The following GUCY1A2 variants were observed in gnomAD, a reference collection of about 807,000 sequenced individuals.
GUCY1A2 encodes the protein guanylate cyclase soluble subunit alpha-2.
Under a neutral mutation model 63.5 loss-of-function variants are expected in GUCY1A2, and 27 were observed. The observed-to-expected ratio is 0.43, with a 90% confidence interval of 0.31 to 0.59. The LOEUF is 0.59. GUCY1A2 is among the 20% of genes least tolerant of loss of function. The pLI is 0.11. For synonymous variants in GUCY1A2, 364 were observed against 343.5 expected, an observed-to-expected ratio of 1.06 and a Z score of -0.66; for missense variants, 768 against 913.3, an observed-to-expected ratio of 0.84 and a Z score of 2.05.
intron 4 of GUCY1A2, among the ~76,000 whole-genome samples, chr11:106,813,509 G>GT (rs1858791928): frequency 6.6e-6 from 1 of 152,014 alleles, no homozygotes; most frequent in African/African-American, 2.4e-5. Flanking sequence ...TCAGAATTGA[G>GT]TAAGTCCAGG....
rs149779302 is a variant in GUCY1A2 at position 106,904,663 on chromosome 11, A to G, written c.1206+34797T>C. 5.6e-3 allele frequency among the ~76,000 whole-genome samples: 852 copies of G among 152,180 alleles called. 2 individuals carry two copies. The highest frequency in any genetic ancestry group is 7.2e-3 in the Non-Finnish European group (487 of 67,992). On this transcript the variant is annotated intron_variant, in intron 4 of 7. Coordinates refer to ENST00000526355, the MANE Select transcript of GUCY1A2 (RefSeq NM_000855.3). ...ACTGAGGTAGATGTTAAATGAAGCT[A>G]AATAAAAGACAAAAATTCTTCCCAC...
chr11:106,825,525 G>A (rs1050520300), intron 4 of GUCY1A2, among the ~76,000 whole-genome samples: 2 of 150,208 alleles, frequency 1.3e-5, no homozygotes, highest in African/African-American at 2.5e-5. Context: ...TTGAGAATAA[G>A]TCCATATAAT....
At chr11:106,860,646 G>A (rs1859498786) in intron 4 of GUCY1A2, among the ~76,000 whole-genome samples, 1 of 151,976 alleles carries the variant, frequency 6.6e-6, no homozygotes, top group Non-Finnish European at 1.5e-5. Context: ...CGTGCCTGGT[G>A]ACCCAGATTT....
Position 106,677,093 on chromosome 11 carries a change from A to G in GUCY1A2, c.*10456T>C, listed in dbSNP as rs923713791. ...CAAAGTGTTCAATCATGTGAAAGTG[A>G]AAAAGGGAGGCTCCAGCCCAAATAG... On this transcript the variant is annotated 3_prime_UTR_variant, in exon 8 of 8. Coordinates refer to ENST00000526355, the MANE Select transcript of GUCY1A2 (RefSeq NM_000855.3). 1 of 213,260 alleles carries G rather than the reference A, an allele frequency of 4.7e-6. No homozygotes were observed. The allele number at this position is 213,260 out of a possible 1,614,324, so 13.2% of individuals were successfully genotyped here.
chr11:106,689,718 C>T lies in GUCY1A2; in HGVS notation c.1992-1962G>A, dbSNP rs931586515. ...TTATTAAAAAGCCAAGGGCCGGGCA[C>T]GGTGGCTCACGCCTGTAATCCCAGC... On this transcript the variant is annotated intron_variant, in intron 7 of 7. Transcript: ENST00000526355. Among the ~76,000 whole-genome samples the T allele has an allele frequency of 4.6e-5, 7 of 152,052 alleles. No individual in the cohort carries two copies. The East Asian group carries it at 5.8e-4, about 13-fold the overall frequency.
At chr11:106,836,397 T>G (rs1859117885) in intron 4 of GUCY1A2, among the ~76,000 whole-genome samples, 1 of 152,016 alleles carries the variant, frequency 6.6e-6, no homozygotes, top group African/African-American at 2.4e-5. Flanking sequence ...TGTACCATAT[T>G]TATCAATACC....
intron 4 of GUCY1A2, among the ~76,000 whole-genome samples, chr11:106,869,123 A>C (rs1459465347): frequency 1.3e-5 from 2 of 152,232 alleles, no homozygotes; most frequent in Non-Finnish European, 2.9e-5. Context: ...TGGATTCAAG[A>C]CTTAAATGTT....
chr11:106,805,201 T>TC (rs1294226919), intron 5 of GUCY1A2, among the ~76,000 whole-genome samples: 1 of 152,050 alleles, frequency 6.6e-6, no homozygotes, highest in Non-Finnish European at 1.5e-5. Context: ...ATGGGAATAC[T>TC]CCCCCTCTAC....
chr11:106,964,493 A>T (rs1861101323), intron 3 of GUCY1A2, among the ~76,000 whole-genome samples: 1 of 152,198 alleles, frequency 6.6e-6, no homozygotes, highest in African/African-American at 2.4e-5. Flanking sequence ...TAGGAAGCAC[A>T]TCATGAAGTG....
chr11:106,817,578 G>A (rs1278038321), intron 4 of GUCY1A2, among the ~76,000 whole-genome samples: 1 of 152,032 alleles, frequency 6.6e-6, no homozygotes, highest in African/African-American at 2.4e-5. Flanking sequence ...ATACAGAATA[G>A]GGGAAAATAT....
intron 4 of GUCY1A2, among the ~76,000 whole-genome samples, chr11:106,861,369 G>T (rs1433571698): frequency 6.6e-6 from 1 of 152,002 alleles, no homozygotes; most frequent in Non-Finnish European, 1.5e-5. Flanking sequence ...GTAGTCTGTT[G>T]TGTGTACTCA....
intron 4 of GUCY1A2, among the ~76,000 whole-genome samples, chr11:106,831,854 A>T (rs758902998): frequency 6.6e-6 from 1 of 152,162 alleles, no homozygotes; most frequent in African/African-American, 2.4e-5. Flanking sequence ...AGGTCTTGGT[A>T]AGAAATCATT....
chr11:106,844,325 T>C (rs1016722804), intron 4 of GUCY1A2, among the ~76,000 whole-genome samples: 6 of 151,868 alleles, frequency 4.0e-5, no homozygotes, highest in Non-Finnish European at 5.9e-5. Flanking sequence ...AAGGGTTTTT[T>C]CCATGTTTTT....
intron 3 of GUCY1A2, among the ~76,000 whole-genome samples, chr11:106,953,412 C>T (rs2120033032): frequency 6.6e-6 from 1 of 152,212 alleles, no homozygotes; most frequent in East Asian, 1.9e-4. Context: ...ATGTGCTGCT[C>T]ATTCAGTTTG....
At chr11:106,730,220 A>G (rs550501490) in intron 6 of GUCY1A2, among the ~76,000 whole-genome samples, 71 of 151,562 alleles carry the variant, frequency 4.7e-4, no homozygotes, top group African/African-American at 1.5e-3. Context: ...TTCATCACCC[A>G]GGTAACAAGC....
At chr11:106,770,425 A>G (rs1468509261) in intron 6 of GUCY1A2, among the ~76,000 whole-genome samples, 1 of 152,150 alleles carries the variant, frequency 6.6e-6, no homozygotes, top group Non-Finnish European at 1.5e-5. Flanking sequence ...ACTCATGGAT[A>G]TGGAGTGCCA....
chr11:106,973,697 T>G (rs1287013129), intron 3 of GUCY1A2, among the ~76,000 whole-genome samples: 4 of 152,140 alleles, frequency 2.6e-5, no homozygotes, highest in Admixed American at 6.6e-5. Context: ...TGAATTTAAA[T>G]TCTGCCTCTG....
intron 6 of GUCY1A2, among the ~76,000 whole-genome samples, chr11:106,766,169 TACC>T (rs1364107586): frequency 1.3e-5 from 2 of 152,158 alleles, no homozygotes; most frequent in African/African-American, 4.8e-5. Context: ...GAATTGTTAG[TACC>T]ACATTTGCAA....
intron 4 of GUCY1A2, among the ~76,000 whole-genome samples, chr11:106,899,728 A>C (rs1322386904): frequency 6.6e-6 from 1 of 152,158 alleles, no homozygotes; most frequent in African/African-American, 2.4e-5. Flanking sequence ...CCTATGCCAA[A>C]TTTTGCATAT....
Sources: gnomAD v4.1 joint callset for allele counts (sites outside exome capture counted in the v4.1 genomes callset) on GRCh38, gnomAD v4.1.1 for gene constraint, MANE v1.5 for transcripts, NCBI Gene and HGNC (gene_info 2026-07-23, HGNC 2026-07-21) for gene names.